Variants in CEP164 observed in about 807,000 individuals in gnomAD.
The protein encoded by CEP164 is centrosomal protein of 164 kDa.
In CEP164, 162 loss-of-function variants were observed where a neutral mutation model predicts 182.7. The ratio of observed to expected loss-of-function variants is 0.89; its 90% CI spans 0.78 to 1.01. CEP164 has a LOEUF of 1.01. Ranked by LOEUF, CEP164 falls within the 50% of genes least tolerant of loss-of-function variation. The probability of loss-of-function intolerance (pLI) is 0.00; values close to 1 mark genes in which losing one functional copy is unlikely to be tolerated. For synonymous variants in CEP164, 661 were observed against 690.0 expected, an observed-to-expected ratio of 0.96 and a Z score of 0.66; for missense variants, 1,735 against 1,790.4, an observed-to-expected ratio of 0.97 and a Z score of 0.56.
intron 27 of CEP164, among the ~76,000 whole-genome samples, chr11:117,398,743 CT>C (rs2045806177): frequency 6.6e-6 from 1 of 152,228 alleles, no homozygotes; most frequent in Middle Eastern, 3.2e-3. Flanking sequence ...GCTGGAGTGG[CT>C]GGGATGCAGG....
At chr11:117,396,739 G>A (rs1478269438) in intron 26 of CEP164, 128 bp downstream of exon 26, 2 of 793,086 alleles carry the variant, frequency 2.5e-6, no homozygotes, top group African/African-American at 1.7e-5. Context: ...TAGTTCATGG[G>A]GAAGGCTCCG....
At chr11:117,331,813 C>T (rs2036254543) in intron 1 of CEP164, among the ~76,000 whole-genome samples, 1 of 150,654 alleles carries the variant, frequency 6.6e-6, no homozygotes, top group African/African-American at 2.4e-5. Flanking sequence ...GTGGTACAAT[C>T]ATAGCTCACT....
chr11:117,337,064 C>G (rs1282191386), intron 2 of CEP164, among the ~76,000 whole-genome samples: 1 of 152,080 alleles, frequency 6.6e-6, no homozygotes, highest in African/African-American at 2.4e-5. Flanking sequence ...AGCTAGAAAC[C>G]TTGGATTCAA....
At chr11:117,369,553 T>TA (rs2041992554) in intron 8 of CEP164, among the ~76,000 whole-genome samples, 1 of 152,212 alleles carries the variant, frequency 6.6e-6, no homozygotes. Context: ...GCAGACACTT[T>TA]AACAGAGCAT....
intron 1 of CEP164, among the ~76,000 whole-genome samples, chr11:117,321,837 G>A (rs949772683): frequency 6.7e-6 from 1 of 149,742 alleles, no homozygotes; most frequent in African/African-American, 2.5e-5. Flanking sequence ...TGAGACTACA[G>A]GTACACACCA....
intron 15 of CEP164, 133 bp from the exon 16 acceptor site, chr11:117,390,644 A>T: frequency 1.4e-6 from 1 of 722,094 alleles, no homozygotes; most frequent in Non-Finnish European, 1.9e-6. Flanking sequence ...TCCAAAAAGA[A>T]AAAAAAAAAA....
Position 117,391,117 on chromosome 11 carries a change from A to T in CEP164, c.2185A>T (p.Ile729Leu). Residue 729 changes from isoleucine to leucine, a missense_variant, in exon 17 of 33, where the codon ATA becomes TTA. Coordinates refer to ENST00000278935, the MANE Select transcript of CEP164 (RefSeq NM_014956.5). ...RQMLEQLKEE[I>L]EASEKSEQAA... Reference sequence around the variant, plus strand: ...AATGCTGGAGCAGCTCAAGGAAGAGATAGAGGCTTCGGAGAAGAGCGAGCA... The same window carrying T: ...AATGCTGGAGCAGCTCAAGGAAGAGTTAGAGGCTTCGGAGAAGAGCGAGCA... The T allele has an allele frequency of 6.2e-7, 1 of 1,613,992 alleles. No homozygotes were observed. Among genetic ancestry groups the T allele is most frequent in the Non-Finnish European group, 8.5e-7 (1 of 1,179,996 alleles).
Position 117,394,251 on chromosome 11 carries a change from G to C in CEP164, c.2617-99G>C. ...GCTTTAGGGAGCCGATGGTGTCCCT[G>C]ATCTTACTGATGCAAGGCTGCAGGG... On this transcript the variant is annotated intron_variant, in intron 20 of 32. Coordinates refer to ENST00000278935, the MANE Select transcript of CEP164 (RefSeq NM_014956.5). This position sits in a 1 kb window ranked among gnomAD's most constrained non-coding sequence, Gnocchi z 4.0. 1 of 1,482,002 alleles carries C rather than the reference G, an allele frequency of 6.7e-7. No individual in the cohort carries two copies. The highest frequency in any genetic ancestry group is 9.1e-7 in the Non-Finnish European group (1 of 1,095,448). The allele number at this position is 1,482,002 out of a possible 1,614,324, so 91.8% of individuals were successfully genotyped here.
intron 8 of CEP164, among the ~76,000 whole-genome samples, chr11:117,366,603 G>A (rs2041663512): frequency 6.6e-6 from 1 of 152,200 alleles, no homozygotes; most frequent in Non-Finnish European, 1.5e-5. Context: ...GAGGGAGCCT[G>A]GGCTTAGAAA....
intron 5 of CEP164, among the ~76,000 whole-genome samples, chr11:117,359,026 C>G (rs867639015): frequency 2.8e-4 from 43 of 151,590 alleles, no homozygotes; most frequent in African/African-American, 9.9e-4. Flanking sequence ...CTCACTGCAA[C>G]CTCTATCTCC....
In CEP164 at chr11:117,361,827, T is replaced by C. The variant is rs1475470330; in HGVS notation, c.394-8T>C. 5 of 1,614,120 alleles carry C rather than the reference T, an allele frequency of 3.1e-6. No individual in the cohort carries two copies. The highest frequency in any genetic ancestry group is 4.2e-6 in the Non-Finnish European group (5 of 1,180,040). ...TTGAGTTGTAACAAGATGTTTTCTGTTGCACAGGCCTTGGGTTCCTCATTA... is the reference window on the plus strand; with the variant it reads ...TTGAGTTGTAACAAGATGTTTTCTGCTGCACAGGCCTTGGGTTCCTCATTA... On this transcript the variant is annotated splice_polypyrimidine_tract_variant and splice_region_variant and intron_variant, in intron 5 of 32. Transcript: ENST00000278935.
In CEP164 at chr11:117,394,189, G is replaced by A. The variant is rs1045612061; in HGVS notation, c.2617-161G>A. Reference sequence around the variant, plus strand: ...TGCAGGCTTGCTGGGGCCAGGGCCGGTGCTGTGCTTGTAACCCTCCTCTTC... The same window carrying A: ...TGCAGGCTTGCTGGGGCCAGGGCCGATGCTGTGCTTGTAACCCTCCTCTTC... On this transcript the variant is annotated intron_variant, in intron 20 of 32. Transcript: ENST00000278935. The surrounding 1 kb of genome is among the most constrained non-coding windows in gnomAD (Gnocchi z 4.0). Among the ~76,000 whole-genome samples, 3 of 152,216 alleles carry A rather than the reference G, an allele frequency of 2.0e-5. No individual in the cohort carries two copies. The highest frequency in any genetic ancestry group is 2.9e-5 in the Non-Finnish European group (2 of 68,038).
At chr11:117,388,487 T>G (rs2044205407) in intron 15 of CEP164, among the ~76,000 whole-genome samples, 1 of 152,250 alleles carries the variant, frequency 6.6e-6, no homozygotes, top group Admixed American at 6.5e-5. Flanking sequence ...TGCCCAAGCC[T>G]TTCTGAGGAA....
chr11:117,373,679 A>G, intron 9 of CEP164, 72 bp from the exon 10 acceptor site: 1 of 1,374,310 alleles, frequency 7.3e-7, no homozygotes, highest in Non-Finnish European at 1.0e-6. Flanking sequence ...GCCTGAACAG[A>G]ATTCCCTGGG....
At chr11:117,372,989 T>C (rs1227641235) in intron 9 of CEP164, among the ~76,000 whole-genome samples, 2 of 152,184 alleles carry the variant, frequency 1.3e-5, no homozygotes, top group Non-Finnish European at 2.9e-5. Context: ...GAAGTAAGCC[T>C]GAATGGGGAG....
chr11:117,402,423 G>A lies in CEP164; in HGVS notation c.3501+5110G>A, dbSNP rs141287948. ...TTTAGTAGAGGCGGGGTTTCACCAT[G>A]TTTTTCAGGCTGGTCTCGAGCTCCT... On this transcript the variant is annotated intron_variant, in intron 27 of 32. Coordinates refer to ENST00000278935, the MANE Select transcript of CEP164 (RefSeq NM_014956.5). Among the ~76,000 whole-genome samples the A allele has an allele frequency of 6.5e-3, 992 of 152,044 alleles. 13 individuals are homozygous for A. Among genetic ancestry groups the A allele is most frequent in the African/African-American group, 0.021 (858 of 41,466 alleles).
chr11:117,366,626 G>C (rs2135800201), intron 8 of CEP164, among the ~76,000 whole-genome samples: 1 of 152,336 alleles, frequency 6.6e-6, no homozygotes, highest in East Asian at 1.9e-4. Flanking sequence ...ACAGGATGAT[G>C]TCAGTGCGAT....
At chr11:117,390,660 T>A in intron 15 of CEP164, 117 bp from the exon 16 acceptor site, 2 of 1,297,220 alleles carry the variant, frequency 1.5e-6, no homozygotes, top group African/African-American at 1.5e-5. Context: ...AAAAAAAAGA[T>A]TTAGGAAGTT....
rs2044086473 is a variant in CEP164, at chr11:117,387,345, G to A, written c.1867G>A (p.Glu623Lys). The A allele has an allele frequency of 1.2e-6, 2 of 1,614,074 alleles. No homozygotes were observed. The highest frequency in any genetic ancestry group is 8.5e-7 in the Non-Finnish European group (1 of 1,180,054). The change falls in exon 15 of 33, where the codon GAG becomes AAG. Residue 623 changes from glutamate (E) to lysine (K), a missense_variant. Glu to Lys is a moderately conservative substitution (Grantham distance 56). Coordinates refer to ENST00000278935, the MANE Select transcript of CEP164 (RefSeq NM_014956.5). ...GCAAGAGAAGATGCAGCAACTGCGG[G>A]AGAAGCTGTGCCAAGAGGAGGAAGA... ...SKQEKMQQLR[E>K]KLCQEEEEEI...
Sources: gnomAD v4.1 joint callset for allele counts (sites outside exome capture counted in the v4.1 genomes callset) on GRCh38, gnomAD v4.1.1 for gene constraint, Gnocchi (gnomAD v3.1) non-coding constraint, MANE v1.5 for transcripts, NCBI Gene and HGNC (gene_info 2026-07-23, HGNC 2026-07-21) for gene names.